The following ACTR3 variants were observed in gnomAD, a reference collection of about 807,000 sequenced individuals.
The protein encoded by ACTR3 is actin related protein 3.
ACTR3 carries 12 observed loss-of-function variants against 56.8 expected under a neutral mutation model. The ratio of observed to expected loss-of-function variants is 0.21; its 90% confidence interval spans 0.14 to 0.34. The LOEUF (loss-of-function observed/expected upper bound fraction) is 0.34. Ranked by LOEUF, ACTR3 falls within the 10% of genes least tolerant of loss-of-function variation. The pLI, the probability that ACTR3 is intolerant of heterozygous loss-of-function variation, is 1.00. For synonymous variants in ACTR3, 162 were observed against 167.4 expected (o/e 0.97, Z 0.25); for missense variants, 282 against 512.5 (o/e 0.55, Z 4.34).
At chr2:113,894,093 C>CTT (rs142698815) in intron 1 of ACTR3, among the ~76,000 whole-genome samples, 1 of 143,918 alleles carries the variant, frequency 6.9e-6, no homozygotes, top group African/African-American at 2.5e-5. Flanking sequence ...AATGCTGTTT[C>CTT]TTTTTTTTTT....
Position 113,957,524 on chromosome 2 carries a change from C to A in ACTR3, c.*69C>A. On this transcript the variant is annotated 3_prime_UTR_variant, in exon 12 of 12. Transcript: ENST00000263238. ...TAATCTTTCTGATTACCTGTTTTGT[C>A]TGGATGGCTGGTTTTGAGGTTTTAA... The A allele has an allele frequency of 7.8e-7, 1 of 1,282,504 alleles. No individual in the cohort carries two copies. Among genetic ancestry groups the A allele is most frequent in the Non-Finnish European group, 1.1e-6 (1 of 885,644 alleles). The allele number at this position is 1,282,504 out of a possible 1,614,324, so 79.4% of individuals were successfully genotyped here.
At chr2:113,932,017 C>G (rs983437475) in intron 5 of ACTR3, among the ~76,000 whole-genome samples, 11 of 151,708 alleles carry the variant, frequency 7.3e-5, no homozygotes, top group Non-Finnish European at 2.9e-5. Flanking sequence ...AGGAAGAAAA[C>G]TAAAGCTGGA....
At chr2:113,926,613 T>C (rs779955230) in intron 3 of ACTR3, among the ~76,000 whole-genome samples, 34 of 152,290 alleles carry the variant, frequency 2.2e-4, no homozygotes, top group South Asian at 8.3e-4. Context: ...AGGGACAAAA[T>C]ACAAGGGACA....
Position 113,949,588 on chromosome 2 carries a change from GTC to G in ACTR3, c.859-1883_859-1882del, listed in dbSNP as rs551616763. ...TTTTGATTATTTATTTAGAGACAGA[GTC>G]TCTCTCTGTCACCCAGGCTGGAGTG... is the stretch of plus-strand genomic sequence containing the variant. On this transcript the variant is annotated intron_variant, in intron 8 of 11. Coordinates refer to ENST00000263238, the MANE Select transcript of ACTR3 (RefSeq NM_005721.5). Among the ~76,000 whole-genome samples, 7 of 152,094 alleles carry G rather than the reference GTC, an allele frequency of 4.6e-5. No individual in the cohort carries two copies. The South Asian group carries it at 1.5e-3, about 32-fold the overall frequency.
intron 1 of ACTR3, among the ~76,000 whole-genome samples, chr2:113,903,219 T>C (rs987351029): frequency 1.3e-5 from 2 of 152,236 alleles, no homozygotes; most frequent in African/African-American, 4.8e-5. Flanking sequence ...CATATATGAG[T>C]ACATTGTTTT....
chr2:113,906,485 C>CT (rs1484879524), intron 1 of ACTR3, among the ~76,000 whole-genome samples: 1 of 151,988 alleles, frequency 6.6e-6, no homozygotes, highest in African/African-American at 2.4e-5. Context: ...AAGTTTTTCT[C>CT]TTTTTTTCTT....
In ACTR3 at chr2:113,921,391, C is replaced by G. The variant is rs189328928; in HGVS notation, c.225+4383C>G. Among the ~76,000 whole-genome samples the G allele has an allele frequency of 6.0e-5, 9 of 150,128 alleles. No individual in the cohort carries two copies. In the East Asian group the frequency reaches 1.6e-3, roughly 26 times the overall value. On this transcript the variant is annotated intron_variant, in intron 3 of 11. Coordinates refer to ENST00000263238, the MANE Select transcript of ACTR3 (RefSeq NM_005721.5). Reference sequence around the variant, plus strand: ...GGATGTTAATCCTCTGTCAGATGTACAGTTTGCGGGCATTTTGACCCATTC... The same window carrying G: ...GGATGTTAATCCTCTGTCAGATGTAGAGTTTGCGGGCATTTTGACCCATTC...
chr2:113,935,939 G>T (rs1279387283), intron 6 of ACTR3, among the ~76,000 whole-genome samples: 1 of 152,114 alleles, frequency 6.6e-6, no homozygotes, highest in Non-Finnish European at 1.5e-5. Flanking sequence ...ATTAGAATAG[G>T]TAATTTGCAG....
chr2:113,942,509 T>A, intron 8 of ACTR3, 150 bp downstream of exon 8: 2 of 606,628 alleles, frequency 3.3e-6, no homozygotes, highest in East Asian at 3.6e-5. Context: ...ATGAACTTTT[T>A]AAAGAAAAAA....
At chr2:113,954,296 CTCTTT>C (rs773186178) in intron 10 of ACTR3, 1 of 148,004 alleles carries the variant, frequency 6.8e-6, no homozygotes, top group South Asian at 2.1e-4. Context: ...TATCCTGTTT[CTCTTT>C]TAAGTTTCAG....
At position 113,890,199 on chromosome 2, in the gene ACTR3, C is replaced by T; in HGVS notation, c.-81C>T. On this transcript the variant is annotated 5_prime_UTR_variant, in exon 1 of 12. Transcript: ENST00000263238. ...GGCCCAGCTGTGGATGGTCAGATAG[C>T]CCTTGTCTCCCGCCGCCAATCTCTG... is the stretch of plus-strand genomic sequence containing the variant. The T allele has an allele frequency of 3.9e-6, 6 of 1,535,122 alleles. No individual in the cohort carries two copies. Among genetic ancestry groups the T allele is most frequent in the Non-Finnish European group, 5.3e-6 (6 of 1,132,182 alleles).
intron 5 of ACTR3, among the ~76,000 whole-genome samples, chr2:113,931,809 A>G (rs1257651474): frequency 6.6e-6 from 1 of 150,662 alleles, no homozygotes; most frequent in Non-Finnish European, 1.5e-5. Flanking sequence ...TTGACACCCT[A>G]ATATTTCACT....
At chr2:113,940,217 A>G (rs1041300433) in intron 7 of ACTR3, 115 bp downstream of exon 7, 1 of 857,482 alleles carries the variant, frequency 1.2e-6, no homozygotes, top group African/African-American at 1.8e-5. Context: ...TTAACCAGTT[A>G]TAAATTATTA....
chr2:113,915,306 G>A (rs919166452), intron 2 of ACTR3, among the ~76,000 whole-genome samples: 5 of 152,130 alleles, frequency 3.3e-5, no homozygotes, highest in Non-Finnish European at 5.9e-5. Context: ...GCTGATAGAT[G>A]CGTCACTCCA....
chr2:113,916,853 A>G lies in ACTR3; in HGVS notation c.101-31A>G, dbSNP rs753314837. ...AAGTTTTTCTCATTTGAGGAAAATG[A>G]ATTCTTTGACATGTCTAACTTATTT... On this transcript the variant is annotated intron_variant, in intron 2 of 11. Transcript: ENST00000263238. 5 of 1,562,192 alleles carry G rather than the reference A, an allele frequency of 3.2e-6. No individual in the cohort carries two copies. In the South Asian group the frequency reaches 6.0e-5, roughly 19 times the overall value.
intron 1 of ACTR3, among the ~76,000 whole-genome samples, chr2:113,901,315 G>A (rs115212133): frequency 6.6e-6 from 1 of 152,212 alleles, no homozygotes; most frequent in South Asian, 2.1e-4. Flanking sequence ...CCAAGATCGC[G>A]CTGTCGCACT....
intron 8 of ACTR3, among the ~76,000 whole-genome samples, chr2:113,942,893 A>T (rs1031358681): frequency 1.8e-4 from 28 of 152,240 alleles, no homozygotes; most frequent in Admixed American, 7.2e-4. Flanking sequence ...GTAACTTAGT[A>T]TCAGAATTGT....
intron 2 of ACTR3, among the ~76,000 whole-genome samples, chr2:113,913,669 G>T (rs984842906): frequency 7.9e-5 from 12 of 152,174 alleles, no homozygotes; most frequent in African/African-American, 1.9e-4. Flanking sequence ...TGGATGGAAG[G>T]ACAATATCTC....
intron 3 of ACTR3, 91 bp from the exon 4 acceptor site, chr2:113,927,254 C>A: frequency 2.7e-6 from 2 of 738,306 alleles, no homozygotes; most frequent in Non-Finnish European, 4.2e-6. Flanking sequence ...CATCTAATAT[C>A]CACTAATGAT....
Sources: allele counts gnomAD v4.1 joint callset (sites outside exome capture counted in the v4.1 genomes callset), GRCh38; gene constraint gnomAD v4.1.1; transcripts MANE v1.5; gene names NCBI Gene and HGNC (gene_info 2026-07-23, HGNC 2026-07-21).